KDM1A: variants seen among roughly 807,000 people sequenced by gnomAD.
KDM1A encodes lysine-specific histone demethylase 1A.
A neutral mutation model predicts 109.4 loss-of-function variants in KDM1A; 49 were observed. That is an observed-to-expected ratio of 0.45 (90% confidence interval 0.36 to 0.57). The LOEUF is 0.57. KDM1A is among the 20% of genes least tolerant of loss of function. KDM1A has a pLI of 0.00. For missense variants in KDM1A, 668 were observed against 1,116.6 expected (o/e 0.60, Z 5.73); for synonymous variants, 380 against 415.4 (o/e 0.91, Z 1.04).
At chr1:23,041,536 G>A (rs547572375) in intron 2 of KDM1A, among the ~76,000 whole-genome samples, 32 of 137,396 alleles carry the variant, frequency 2.3e-4, no homozygotes, top group African/African-American at 6.5e-4. Flanking sequence ...TCCACCTCCC[G>A]AGTTCAAGCG....
intron 2 of KDM1A, among the ~76,000 whole-genome samples, chr1:23,034,929 T>C (rs1005785583): frequency 2.6e-5 from 4 of 152,198 alleles, no homozygotes; most frequent in Non-Finnish European, 4.4e-5. Context: ...AGTGTGTGTA[T>C]CATTTTTCTA....
intron 7 of KDM1A, among the ~76,000 whole-genome samples, chr1:23,057,268 A>G (rs903910929): frequency 1.3e-5 from 2 of 152,228 alleles, no homozygotes; most frequent in African/African-American, 4.8e-5. Flanking sequence ...GTTATATGAC[A>G]TTTAATTATA....
At position 23,021,557 on chromosome 1, in the gene KDM1A, C is replaced by T. The variant is rs143653844; in HGVS notation, c.351+1610C>T. Among the ~76,000 whole-genome samples, 172 of 152,090 alleles carry T rather than the reference C, an allele frequency of 1.1e-3. 1 individual carries two copies. Among genetic ancestry groups the T allele is most frequent in the Admixed American group, 7.3e-3 (112 of 15,276 alleles). ...CGGGCGCCTGTAATCCCAGCTACTC[C>T]GGAGGCTGAGTTAGGGAGAATTGCT... On this transcript the variant is annotated intron_variant, in intron 1 of 20. Transcript: ENST00000400181.
At position 23,071,360 on chromosome 1, in the gene KDM1A, G is replaced by T; in HGVS notation, c.1548+1G>T. ...CAGGGATCTGACCGCCCTATGCAAG[G>T]TGTGGTATACATACATGCCTAACTG... is the stretch of plus-strand genomic sequence containing the variant. On this transcript the variant is annotated splice_donor_variant, in intron 13 of 20. Coordinates refer to ENST00000400181, the MANE Select transcript of KDM1A (RefSeq NM_001009999.3). LOFTEE classifies it high-confidence loss of function. The T allele has an allele frequency of 6.2e-7, 1 of 1,604,794 alleles. No individual in the cohort carries two copies.
In KDM1A at chr1:23,081,518, T is replaced by C; in HGVS notation, c.2243T>C (p.Val748Ala). The C allele has an allele frequency of 1.9e-6, 3 of 1,614,218 alleles. No homozygotes were observed. The highest frequency in any genetic ancestry group is 2.5e-6 in the Non-Finnish European group (3 of 1,180,020). The change falls in exon 19 of 21, where the codon GTT (valine) becomes GCT (alanine). Residue 748 changes from valine (V) to alanine (A), a missense_variant. Physicochemically the swap from Val to Ala is moderately conservative, Grantham distance 64 (BLOSUM62 0). This residue lies in a region of KDM1A where 162 missense variants were observed against 376.4 expected (regional missense o/e 0.43). Transcript: ENST00000400181. ...GAAAACATAAGTGACGATGTGATTG[T>C]TGGCCGATGCCTGGCCATTCTCAAA... ...IMENISDDVI[V>A]GRCLAILKGI... is the part of the protein sequence containing the mutation.
At chr1:23,053,367 A>C (rs1435040542) in intron 4 of KDM1A, among the ~76,000 whole-genome samples, 1 of 152,128 alleles carries the variant, frequency 6.6e-6, no homozygotes, top group East Asian at 1.9e-4. Context: ...CCTTAAAGTT[A>C]AAAGGATGAT....
At chr1:23,082,489 A>G in intron 20 of KDM1A, 123 bp downstream of exon 20, 2 of 958,446 alleles carry the variant, frequency 2.1e-6, no homozygotes, top group South Asian at 2.2e-5. Context: ...CAGATAACCA[A>G]GAGCAGAGTT....
At chr1:23,078,805 A>G (rs1643537999) in intron 16 of KDM1A, among the ~76,000 whole-genome samples, 185 bp from the exon 17 acceptor site, 1 of 152,186 alleles carries the variant, frequency 6.6e-6, no homozygotes. Context: ...GGCACTTATT[A>G]CGTGTGTAGC....
chr1:23,045,077 G>A (rs374876638), intron 3 of KDM1A, among the ~76,000 whole-genome samples: 3 of 152,260 alleles, frequency 2.0e-5, no homozygotes, highest in African/African-American at 7.2e-5. Context: ...AGACCAAACA[G>A]TATGAGATTT....
In KDM1A at chr1:23,079,147, C is replaced by G; in HGVS notation, c.2025C>G (p.Val675=). 6.2e-7 allele frequency: 1 copy of G among 1,614,146 alleles called. No individual in the cohort carries two copies. The highest frequency in any genetic ancestry group is 8.5e-7 in the Non-Finnish European group (1 of 1,180,014). ...PPLPEWKTSA[V]QRMGFGNLNK... ...TCCCTGAGTGGAAAACATCTGCAGT[C>G]CAAAGGATGGGATTTGGCAACCTTA... is the stretch of plus-strand genomic sequence containing the variant. Residue 675 remains valine, a synonymous_variant, in exon 17 of 21, where the codon GTC becomes GTG. Transcript: ENST00000400181. The surrounding 1 kb of genome is among the most constrained non-coding windows in gnomAD (Gnocchi z 5.6).
At chr1:23,057,463 G>C in intron 7 of KDM1A, 21 bp from the exon 8 acceptor site, 3 of 1,599,792 alleles carry the variant, frequency 1.9e-6, no homozygotes, top group Non-Finnish European at 2.6e-6. Context: ...GATGATTTTG[G>C]CTACTTAATT....
intron 9 of KDM1A, among the ~76,000 whole-genome samples, chr1:23,059,866 A>G (rs1642950507): frequency 6.6e-6 from 1 of 152,168 alleles, no homozygotes; most frequent in African/African-American, 2.4e-5. Flanking sequence ...ATATAAGTAC[A>G]TATTGTCTTT....
chr1:23,045,238 AC>A (rs1642469153), intron 3 of KDM1A, among the ~76,000 whole-genome samples: 1 of 152,218 alleles, frequency 6.6e-6, no homozygotes, highest in African/African-American at 2.4e-5. Context: ...GTTTATAGAT[AC>A]GTTTTGATAG....
intron 2 of KDM1A, among the ~76,000 whole-genome samples, chr1:23,031,844 A>C (rs1418574612): frequency 6.6e-6 from 1 of 152,206 alleles, no homozygotes; most frequent in Non-Finnish European, 1.5e-5. Context: ...GGTTTTCCTA[A>C]AACTTTCTTA....
chr1:23,036,444 G>GCCCC (rs5773033), intron 2 of KDM1A, among the ~76,000 whole-genome samples: 11 of 121,682 alleles, frequency 9.0e-5, no homozygotes, highest in South Asian at 2.7e-4. Flanking sequence ...TTCTTGCCAC[G>GCCCC]CCCCCCCCCT....
At chr1:23,039,975 G>A (rs1246586310) in intron 2 of KDM1A, among the ~76,000 whole-genome samples, 2 of 152,282 alleles carry the variant, frequency 1.3e-5, no homozygotes, top group Non-Finnish European at 2.9e-5. Flanking sequence ...GCGTTAATAC[G>A]GTAGAGACAT....
At chr1:23,072,330 A>G (rs1356720793) in intron 14 of KDM1A, 133 bp downstream of exon 14, 5 of 670,720 alleles carry the variant, frequency 7.5e-6, no homozygotes, top group Non-Finnish European at 1.3e-5. Flanking sequence ...TAAATAAATG[A>G]ATGTGTGACT....
Position 23,057,555 on chromosome 1 carries a change from A to G in KDM1A, c.1062A>G (p.Val354=), listed in dbSNP as rs372263216. 1 of 1,613,388 alleles carries G rather than the reference A, an allele frequency of 6.2e-7. No individual in the cohort carries two copies. The highest frequency in any genetic ancestry group is 8.5e-7 in the Non-Finnish European group (1 of 1,179,422). ...NYVADLGAMV[V]TGLGGNPMAV... Reference sequence around the variant, plus strand: ...TAGCTGATCTTGGAGCCATGGTGGTAACAGGTCTTGGTAAGTAGCTATTGG... The same window carrying G: ...TAGCTGATCTTGGAGCCATGGTGGTGACAGGTCTTGGTAAGTAGCTATTGG... The change falls in exon 8 of 21, where the codon GTA becomes GTG. Residue 354 remains valine (V), a synonymous_variant. Transcript: ENST00000400181.
chr1:23,081,419 C>A, intron 18 of KDM1A, 27 bp from the exon 19 acceptor site: 1 of 1,613,176 alleles, frequency 6.2e-7, no homozygotes, highest in South Asian at 1.1e-5. Flanking sequence ...TAGGAAAACC[C>A]TAGAATTATC....
Sources: allele counts gnomAD v4.1 joint callset (sites outside exome capture counted in the v4.1 genomes callset), GRCh38; gene constraint gnomAD v4.1.1; regional missense constraint gnomAD v4.1.1; non-coding constraint Gnocchi (gnomAD v3.1); transcripts MANE v1.5; gene names NCBI Gene and HGNC (gene_info 2026-07-23, HGNC 2026-07-21).